FHIT: variants seen among roughly 807,000 people sequenced by gnomAD.
The protein encoded by FHIT is fragile histidine triad diadenosine triphosphatase, also known as bis(5'-adenosyl)-triphosphatase.
Under a neutral mutation model 17.9 loss-of-function variants are expected in FHIT, and 19 were observed. That is an observed-to-expected ratio of 1.06 (90% CI 0.74 to 1.56). The LOEUF (loss-of-function observed/expected upper bound fraction) is 1.56, where lower values mean the gene tolerates loss of function less well. Ranked by LOEUF, FHIT falls within the 40% of genes most tolerant of loss-of-function variation. The pLI, the probability that FHIT is intolerant of heterozygous loss-of-function variation, is 0.00. For synonymous variants in FHIT, 81 were observed against 69.7 expected (o/e 1.16, Z -0.81); for missense variants, 248 against 189.2 (o/e 1.31, Z -1.82).
At position 60,457,868 on chromosome 3, in the gene FHIT, C is replaced by G. The variant is rs557432685; in HGVS notation, c.103+78992G>C. Among the ~76,000 whole-genome samples, 984 of 152,204 alleles carry G rather than the reference C, an allele frequency of 6.5e-3. 40 individuals are homozygous for G. Among genetic ancestry groups the G allele is most frequent in the Admixed American group, 0.057 (867 of 15,270 alleles). ...CACTGGCCATCAGAGAAATGCAAAT[C>G]AAAACCACAATGAGATACCATCTCA... On this transcript the variant is annotated intron_variant, in intron 5 of 9. Coordinates refer to ENST00000492590, the MANE Select transcript of FHIT (RefSeq NM_002012.4).
At chr3:60,527,127 C>A (rs1301533110) in intron 5 of FHIT, among the ~76,000 whole-genome samples, 1 of 152,168 alleles carries the variant, frequency 6.6e-6, no homozygotes, top group Non-Finnish European at 1.5e-5. Context: ...AAAAGTTTCA[C>A]TCAACATCTG....
At chr3:60,331,249 G>C (rs1486089727) in intron 5 of FHIT, among the ~76,000 whole-genome samples, 1 of 152,034 alleles carries the variant, frequency 6.6e-6, no homozygotes, top group South Asian at 2.1e-4. Flanking sequence ...TAGCCTCCTA[G>C]TTTCTTGCAC....
In FHIT at chr3:60,571,290, T is replaced by C. The variant is rs2037370162; in HGVS notation, c.-17-34311A>G. On this transcript the variant is annotated intron_variant, in intron 4 of 9. Coordinates refer to ENST00000492590, the MANE Select transcript of FHIT (RefSeq NM_002012.4). ...AGCAGAGGTGGCAGTGAGCTGAGAT[T>C]GCATCACTGCACTCCAGCCTGGGCA... is the stretch of plus-strand genomic sequence containing the variant. Among the ~76,000 whole-genome samples, 2 of 125,492 alleles carry C rather than the reference T, an allele frequency of 1.6e-5. 1 individual carries two copies. The highest frequency in any genetic ancestry group is 3.1e-5 in the Non-Finnish European group (2 of 64,386). 82.3% of individuals were successfully genotyped at this position (125,492 alleles called of 152,430 possible). A position where few individuals can be genotyped will look rare whatever the true frequency, so the allele number is the denominator to read the frequency against.
At chr3:61,019,401 A>G (rs548291481) in intron 3 of FHIT, among the ~76,000 whole-genome samples, 2 of 152,342 alleles carry the variant, frequency 1.3e-5, no homozygotes, top group Admixed American at 6.5e-5. Context: ...TGGTAGGGGC[A>G]TGCAACAGGT....
chr3:60,685,801 C>T (rs2040849224), intron 4 of FHIT, among the ~76,000 whole-genome samples: 1 of 152,118 alleles, frequency 6.6e-6, no homozygotes, highest in South Asian at 2.1e-4. Context: ...TTACATCTAC[C>T]TGTATTATAA....
chr3:60,619,729 T>C (rs1300988638), intron 4 of FHIT, among the ~76,000 whole-genome samples: 2 of 151,770 alleles, frequency 1.3e-5, no homozygotes, highest in African/African-American at 4.8e-5. Flanking sequence ...GAAAATAATG[T>C]ACAAGAAAGT....
intron 4 of FHIT, chr3:60,732,402 T>C: frequency 3.9e-6 from 3 of 764,594 alleles, no homozygotes; most frequent in South Asian, 2.7e-5. Flanking sequence ...TTTCTACCTG[T>C]AGATGGACTT....
chr3:59,841,708 T>C (rs1701539285), intron 8 of FHIT, among the ~76,000 whole-genome samples: 2 of 152,120 alleles, frequency 1.3e-5, no homozygotes, highest in Non-Finnish European at 2.9e-5. Flanking sequence ...GGTGTACTGA[T>C]GCACACACAC....
At chr3:60,396,469 T>C (rs953519045) in intron 5 of FHIT, among the ~76,000 whole-genome samples, 7 of 152,290 alleles carry the variant, frequency 4.6e-5, no homozygotes, top group Non-Finnish European at 1.0e-4. Flanking sequence ...ACAAACATTA[T>C]TGCCAAGGCC....
intron 5 of FHIT, among the ~76,000 whole-genome samples, chr3:60,076,062 G>A (rs1487255059): frequency 1.3e-5 from 2 of 152,016 alleles, no homozygotes; most frequent in African/African-American, 4.8e-5. Flanking sequence ...TTTTGCCAGA[G>A]GAGCCTCAAT....
intron 8 of FHIT, among the ~76,000 whole-genome samples, chr3:59,915,382 T>C (rs1479743280): frequency 6.6e-6 from 1 of 152,170 alleles, no homozygotes; most frequent in Non-Finnish European, 1.5e-5. Flanking sequence ...CGATTGAACG[T>C]ATTCAAACAA....
intron 2 of FHIT, among the ~76,000 whole-genome samples, chr3:61,132,584 T>C (rs976015771): frequency 6.6e-6 from 1 of 152,128 alleles, no homozygotes; most frequent in African/African-American, 2.4e-5. Flanking sequence ...GACATTTACA[T>C]AGGGCCTCTT....
At chr3:60,262,311 G>A (rs1706345500) in intron 5 of FHIT, among the ~76,000 whole-genome samples, 1 of 151,992 alleles carries the variant, frequency 6.6e-6, no homozygotes. Context: ...CCAGTAGCAT[G>A]GTGTATTCAT....
intron 5 of FHIT, among the ~76,000 whole-genome samples, chr3:60,448,948 G>A (rs936180001): frequency 1.6e-4 from 25 of 152,080 alleles, no homozygotes; most frequent in African/African-American, 6.0e-4. Context: ...ATTCCAACCA[G>A]TGCTTTTCCT....
At chr3:61,222,713 G>C (rs1291483087) in intron 1 of FHIT, among the ~76,000 whole-genome samples, 1 of 152,042 alleles carries the variant, frequency 6.6e-6, no homozygotes, top group Non-Finnish European at 1.5e-5. Context: ...AAAATGAGGA[G>C]GATTACAGTA....
At chr3:60,081,825 C>A (rs557664473) in intron 5 of FHIT, among the ~76,000 whole-genome samples, 1 of 152,046 alleles carries the variant, frequency 6.6e-6, no homozygotes, top group African/African-American at 2.4e-5. Flanking sequence ...GGCATCTTTT[C>A]CTGTTTCTTT....
At chr3:60,685,842 T>C (rs1333540699) in intron 4 of FHIT, among the ~76,000 whole-genome samples, 3 of 152,206 alleles carry the variant, frequency 2.0e-5, no homozygotes, top group Admixed American at 1.3e-4. Context: ...TAGTTTTTAC[T>C]TAAACAAACA....
At chr3:60,746,315 A>G (rs1444765094) in intron 4 of FHIT, among the ~76,000 whole-genome samples, 1 of 152,206 alleles carries the variant, frequency 6.6e-6, no homozygotes, top group Non-Finnish European at 1.5e-5. Context: ...TTTATGATTC[A>G]AGATTTGGGA....
intron 7 of FHIT, among the ~76,000 whole-genome samples, chr3:59,924,616 A>T (rs932173083): frequency 6.6e-6 from 1 of 152,228 alleles, no homozygotes; most frequent in African/African-American, 2.4e-5. Context: ...TTATTATTTA[A>T]AAAAACAAAT....
Sources: allele counts gnomAD v4.1 joint callset (sites outside exome capture counted in the v4.1 genomes callset), GRCh38; gene constraint gnomAD v4.1.1; transcripts MANE v1.5; gene names NCBI Gene and HGNC (gene_info 2026-07-23, HGNC 2026-07-21).